NRXN3: variants seen among roughly 807,000 people sequenced by gnomAD.
NRXN3 encodes neurexin 3.
NRXN3 carries 32 observed loss-of-function variants against 137.6 expected under a neutral mutation model. The observed-to-expected ratio is 0.23, with a 90% confidence interval of 0.18 to 0.31. The LOEUF (loss-of-function observed/expected upper bound fraction) is 0.31. Ranked by LOEUF, NRXN3 falls within the 10% of genes least tolerant of loss-of-function variation. The probability of loss-of-function intolerance (pLI) is 1.00; values close to 1 mark genes in which losing one functional copy is unlikely to be tolerated. For synonymous variants in NRXN3, 798 were observed against 784.5 expected, an observed-to-expected ratio of 1.02 and a Z score of -0.29; for missense variants, 1,574 against 2,062.5, an observed-to-expected ratio of 0.76 and a Z score of 4.59.
chr14:79,055,493 C>T (rs902852894), intron 15 of NRXN3, among the ~76,000 whole-genome samples: 6 of 152,108 alleles, frequency 3.9e-5, no homozygotes, highest in African/African-American at 1.4e-4. Flanking sequence ...CTGTGTAACA[C>T]ATTTTAAGAG....
chr14:79,706,917 C>A (rs1267952462), intron 19 of NRXN3, among the ~76,000 whole-genome samples: 1 of 152,094 alleles, frequency 6.6e-6, no homozygotes, highest in African/African-American at 2.4e-5. Flanking sequence ...TTACACTTGG[C>A]CCCCTGGCAC....
At chr14:78,229,159 A>G (rs957880085) in intron 1 of NRXN3, among the ~76,000 whole-genome samples, 3 of 152,262 alleles carry the variant, frequency 2.0e-5, no homozygotes, top group Admixed American at 2.0e-4. Flanking sequence ...AGAGTTTCAC[A>G]CTATAAAATC....
intron 3 of NRXN3, among the ~76,000 whole-genome samples, chr14:78,289,060 C>A (rs908663805): frequency 1.5e-4 from 23 of 152,290 alleles, no homozygotes; most frequent in African/African-American, 5.3e-4. Context: ...GGAATCTGGG[C>A]AACCCCTATC....
rs1023528167 is a variant in NRXN3, at chr14:79,865,596, G to GT, written c.*3642dup. 369 of 149,098 alleles carry GT rather than the reference G, an allele frequency of 2.5e-3. No homozygotes were observed. The highest frequency in any genetic ancestry group is 0.014 in the Middle Eastern group (4 of 286). The allele number at this position is 149,098 out of a possible 1,614,324, so 9.2% of individuals were successfully genotyped here. On this transcript the variant is annotated 3_prime_UTR_variant, in exon 21 of 21. Coordinates refer to ENST00000335750, the MANE Select transcript of NRXN3 (RefSeq NM_001330195.2). ...GTTCAGTGATGTCAAATTATGTAAA[G>GT]TTTTTTTTTTGTTCCTGTCTTCAAA... is the stretch of plus-strand genomic sequence containing the variant.
chr14:78,518,662 C>T (rs929203307), intron 4 of NRXN3, among the ~76,000 whole-genome samples: 6 of 152,062 alleles, frequency 3.9e-5, no homozygotes. Flanking sequence ...TTACCAGAGG[C>T]AAGAATTCAA....
chr14:78,633,163 G>A (rs2097536669), intron 4 of NRXN3, among the ~76,000 whole-genome samples: 1 of 146,960 alleles, frequency 6.8e-6, no homozygotes, highest in African/African-American at 2.6e-5. Context: ...GCTGAGGCAG[G>A]AGAATGGCAT....
intron 15 of NRXN3, among the ~76,000 whole-genome samples, chr14:79,228,649 G>A (rs1235294988): frequency 6.6e-6 from 1 of 152,120 alleles, no homozygotes; most frequent in Admixed American, 6.5e-5. Flanking sequence ...AGAGAAAAGG[G>A]TATATTTGTG....
chr14:78,338,564 G>T (rs528866811), intron 4 of NRXN3, among the ~76,000 whole-genome samples: 1 of 152,180 alleles, frequency 6.6e-6, no homozygotes, highest in Non-Finnish European at 1.5e-5. Flanking sequence ...AGACTAGCTA[G>T]GTTTCCAAAA....
chr14:78,349,094 C>T (rs775641457), intron 4 of NRXN3, among the ~76,000 whole-genome samples: 2 of 152,156 alleles, frequency 1.3e-5, no homozygotes, highest in African/African-American at 2.4e-5. Context: ...CCATGTGGTG[C>T]CTTTAGAAGC....
intron 4 of NRXN3, among the ~76,000 whole-genome samples, chr14:78,415,220 T>C (rs889591819): frequency 4.6e-5 from 7 of 152,180 alleles, no homozygotes; most frequent in African/African-American, 1.7e-4. Context: ...ATGACTGTCA[T>C]ATGGATGAGA....
intron 8 of NRXN3, among the ~76,000 whole-genome samples, chr14:78,752,256 A>C (rs2098646472): frequency 6.6e-6 from 1 of 152,130 alleles, no homozygotes. Context: ...ATCTCTACTA[A>C]AAATACAAAG....
intron 4 of NRXN3, among the ~76,000 whole-genome samples, chr14:78,534,674 C>T (rs73324444): frequency 0.013 from 1,999 of 152,182 alleles, 37 homozygotes; most frequent in African/African-American, 0.046. Context: ...AATTCTAAAC[C>T]AGATTCTGGT....
chr14:78,774,097 G>T (rs982496994), intron 8 of NRXN3, among the ~76,000 whole-genome samples: 5 of 152,016 alleles, frequency 3.3e-5, no homozygotes, highest in Non-Finnish European at 5.9e-5. Context: ...ACCGCGCCCG[G>T]CCACTTATTT....
chr14:79,027,338 G>C (rs2099600363), intron 15 of NRXN3, among the ~76,000 whole-genome samples: 1 of 152,020 alleles, frequency 6.6e-6, no homozygotes, highest in African/African-American at 2.4e-5. Flanking sequence ...CCAGCAGTGA[G>C]TTATTCCATC....
chr14:78,714,467 C>G (rs1229732886), intron 7 of NRXN3, among the ~76,000 whole-genome samples: 1 of 152,174 alleles, frequency 6.6e-6, no homozygotes, highest in Non-Finnish European at 1.5e-5. Flanking sequence ...CTGTGCTGCT[C>G]TCAACCTGTA....
chr14:79,147,742 C>G (rs937134801), intron 15 of NRXN3, among the ~76,000 whole-genome samples: 1 of 151,922 alleles, frequency 6.6e-6, no homozygotes, highest in African/African-American at 2.4e-5. Context: ...TTTGAAGTGA[C>G]CAGGGATGGA....
chr14:78,421,454 C>T (rs1467555899), intron 4 of NRXN3, among the ~76,000 whole-genome samples: 1 of 151,966 alleles, frequency 6.6e-6, no homozygotes, highest in Non-Finnish European at 1.5e-5. Flanking sequence ...GAATATTTTT[C>T]AGCCATTAAA....
At chr14:79,768,014 C>T (rs528256444) in intron 19 of NRXN3, among the ~76,000 whole-genome samples, 25 of 152,196 alleles carry the variant, frequency 1.6e-4, no homozygotes, top group South Asian at 1.4e-3. Flanking sequence ...TGGTGACAGA[C>T]GGCACCTGGA....
intron 10 of NRXN3, among the ~76,000 whole-genome samples, chr14:78,910,930 A>G (rs1378669272): frequency 6.6e-6 from 1 of 152,154 alleles, no homozygotes; most frequent in Non-Finnish European, 1.5e-5. Context: ...CCCCATATCA[A>G]TGCAATGGAT....
Sources: allele counts gnomAD v4.1 joint callset (sites outside exome capture counted in the v4.1 genomes callset), GRCh38; gene constraint gnomAD v4.1.1; transcripts MANE v1.5; gene names NCBI Gene and HGNC (gene_info 2026-07-23, HGNC 2026-07-21).